DPP6: variants seen among roughly 807,000 people sequenced by gnomAD.
The protein encoded by DPP6 is A-type potassium channel modulatory protein DPP6.
In DPP6, 69 loss-of-function variants were observed where a neutral mutation model predicts 122.6. The observed-to-expected ratio is 0.56, with a 90% CI of 0.46 to 0.69. The LOEUF is 0.69. Ranked by LOEUF, DPP6 falls within the 30% of genes least tolerant of loss-of-function variation. The pLI is 0.00. For synonymous variants in DPP6, 418 were observed against 433.1 expected (o/e 0.97, Z 0.43); for missense variants, 928 against 1,116.9 (o/e 0.83, Z 2.41).
At chr7:154,788,441 C>T (rs549623105) in intron 10 of DPP6, among the ~76,000 whole-genome samples, 171 of 133,916 alleles carry the variant, frequency 1.3e-3, no homozygotes, top group Non-Finnish European at 2.0e-3. Context: ...GAGACTCTGC[C>T]TCAAAAAAAA....
At chr7:154,131,533 G>A (rs1251370742) in intron 1 of DPP6, among the ~76,000 whole-genome samples, 6 of 152,266 alleles carry the variant, frequency 3.9e-5, no homozygotes, top group Admixed American at 3.9e-4. Flanking sequence ...CCCTTCAGCT[G>A]CTTCCCAACC....
At chr7:153,757,500 G>C in the DPP6 span, among the ~76,000 whole-genome samples, 1 of 152,174 alleles carries the variant, frequency 6.6e-6, no homozygotes, top group Non-Finnish European at 1.5e-5. Context: ...GAGGGAAACG[G>C]AATCAGTAGA....
intron 10 of DPP6, among the ~76,000 whole-genome samples, chr7:154,778,453 A>T (rs1796719513): frequency 6.6e-6 from 1 of 151,890 alleles, no homozygotes; most frequent in Non-Finnish European, 1.5e-5. Context: ...TTTCCAATTT[A>T]TACAAAACAT....
chr7:154,134,549 G>A (rs1563233614), intron 1 of DPP6, among the ~76,000 whole-genome samples: 1 of 152,088 alleles, frequency 6.6e-6, no homozygotes, highest in Non-Finnish European at 1.5e-5. Flanking sequence ...GTGACCTTGA[G>A]CTTCACAAGG....
At chr7:154,517,339 GAGA>G (rs1586516759) in intron 3 of DPP6, among the ~76,000 whole-genome samples, 1 of 152,136 alleles carries the variant, frequency 6.6e-6, no homozygotes, top group Non-Finnish European at 1.5e-5. Flanking sequence ...ATTCTGCTTG[GAGA>G]AGGAGAAGAT....
At chr7:154,884,264 TC>T (rs1805861505) in intron 21 of DPP6, 1 of 144,610 alleles carries the variant, frequency 6.9e-6, no homozygotes, top group African/African-American at 2.6e-5. Context: ...ATACACATGC[TC>T]ACACATACAC....
At chr7:154,778,970 TACC>T (rs1482074569) in intron 10 of DPP6, among the ~76,000 whole-genome samples, 1 of 3,500 alleles carries the variant, frequency 2.9e-4, no homozygotes, top group Non-Finnish European at 6.4e-4. Flanking sequence ...TCACCTCCGC[TACC>T]ACCATCACCT....
At chr7:154,796,787 G>T (rs1318465332) in intron 12 of DPP6, among the ~76,000 whole-genome samples, 1 of 152,198 alleles carries the variant, frequency 6.6e-6, no homozygotes, top group Non-Finnish European at 1.5e-5. Context: ...TAGATGCTGG[G>T]CTGCTGCTTC....
chr7:154,857,283 T>C (rs1802923856), intron 17 of DPP6, among the ~76,000 whole-genome samples: 1 of 152,182 alleles, frequency 6.6e-6, no homozygotes, highest in African/African-American at 2.4e-5. Flanking sequence ...ACTTCATGAT[T>C]TGAGGGGTTC....
intron 4 of DPP6, among the ~76,000 whole-genome samples, chr7:154,561,869 C>T (rs191866869): frequency 2.0e-5 from 3 of 152,054 alleles, no homozygotes; most frequent in African/African-American, 7.2e-5. Flanking sequence ...TTGAAAGACA[C>T]AAAGTATTAC....
intron 1 of DPP6, among the ~76,000 whole-genome samples, chr7:154,138,156 A>G (rs1795672995): frequency 1.3e-5 from 2 of 152,134 alleles, no homozygotes; most frequent in African/African-American, 2.4e-5. Flanking sequence ...TGACTGCTTC[A>G]TTTACTCTCT....
intron 5 of DPP6, among the ~76,000 whole-genome samples, chr7:154,597,701 G>T (rs933153785): frequency 1.3e-5 from 2 of 152,132 alleles, no homozygotes; most frequent in African/African-American, 4.8e-5. Context: ...AAAATGTATT[G>T]TCTCACGGTT....
intron 4 of DPP6, among the ~76,000 whole-genome samples, chr7:154,545,034 G>A (rs1326021184): frequency 6.6e-6 from 1 of 152,198 alleles, no homozygotes; most frequent in African/African-American, 2.4e-5. Context: ...TGAGGCAGAG[G>A]CATCCAGAGC....
intron 1 of DPP6, among the ~76,000 whole-genome samples, chr7:154,007,095 CT>C (rs1202031615): frequency 2.6e-5 from 4 of 152,230 alleles, no homozygotes; most frequent in African/African-American, 9.6e-5. Flanking sequence ...GGACAGCACC[CT>C]TCTGTGTGAC....
chr7:154,761,099 T>G (rs1325268141), intron 8 of DPP6, among the ~76,000 whole-genome samples: 3 of 152,198 alleles, frequency 2.0e-5, no homozygotes, highest in Non-Finnish European at 2.9e-5. Flanking sequence ...CCTCCCGAAG[T>G]GCTGAGATTA....
At chr7:154,610,369 G>A (rs981470738) in intron 5 of DPP6, among the ~76,000 whole-genome samples, 5 of 152,110 alleles carry the variant, frequency 3.3e-5, no homozygotes, top group Non-Finnish European at 7.4e-5. Context: ...TTTCAGGTGG[G>A]AGAAGGAAAT....
chr7:154,080,955 C>T (rs529495253), intron 1 of DPP6, among the ~76,000 whole-genome samples: 1 of 152,096 alleles, frequency 6.6e-6, no homozygotes. Context: ...ACCTTCTGCT[C>T]TCTGTATGTA....
intron 18 of DPP6, among the ~76,000 whole-genome samples, chr7:154,871,354 A>G (rs1434417726): frequency 1.3e-5 from 2 of 152,228 alleles, no homozygotes; most frequent in African/African-American, 4.8e-5. Context: ...GGGCACCTGT[A>G]TGAGCCCAGC....
At chr7:154,511,721 C>A (rs148544142) in intron 3 of DPP6, among the ~76,000 whole-genome samples, 1 of 152,238 alleles carries the variant, frequency 6.6e-6, no homozygotes, top group Non-Finnish European at 1.5e-5. Flanking sequence ...CCTGGTAACA[C>A]CTAATTGTAA....
Sources: gnomAD v4.1 joint callset for allele counts (sites outside exome capture counted in the v4.1 genomes callset) on GRCh38, gnomAD v4.1.1 for gene constraint, MANE v1.5 for transcripts, NCBI Gene and HGNC (gene_info 2026-07-23, HGNC 2026-07-21) for gene names.